Variants in DACH2 observed in about 807,000 individuals in gnomAD.
DACH2 encodes dachshund homolog 2.
A neutral mutation model predicts 35.8 loss-of-function variants in DACH2; 17 were observed. That is an observed-to-expected ratio of 0.48 (90% CI 0.33 to 0.71). DACH2 has a LOEUF of 0.71. DACH2 is among the 30% of genes least tolerant of loss of function. DACH2 has a pLI of 0.02. For synonymous variants in DACH2, 195 were observed against 177.3 expected, an observed-to-expected ratio of 1.10 and a Z score of -0.79; for missense variants, 469 against 472.7, an observed-to-expected ratio of 0.99 and a Z score of 0.07.
At chrX:86,621,303 T>C (rs1036839620) in intron 3 of DACH2, among the ~76,000 whole-genome samples, 3 of 111,535 alleles carry the variant, frequency 2.7e-5, no homozygotes, top group Admixed American at 1.9e-4. Context: ...ATTAGGATCA[T>C]TGAAGAAATA....
At chrX:86,794,045 G>C (rs2042212694) in intron 7 of DACH2, among the ~76,000 whole-genome samples, 1 of 111,530 alleles carries the variant, frequency 9.0e-6, no homozygotes, top group Non-Finnish European at 1.9e-5. Context: ...ATTTAAACAG[G>C]TGCTATGGGA....
At chrX:86,154,741 T>A (rs1397639953) in intron 1 of DACH2, among the ~76,000 whole-genome samples, 1 of 111,734 alleles carries the variant, frequency 8.9e-6, no homozygotes, top group African/African-American at 3.2e-5. Context: ...AGATGGATTC[T>A]CTGCTCGGTT....
At chrX:86,421,492 T>A (rs2036802371) in intron 2 of DACH2, among the ~76,000 whole-genome samples, 1 of 111,266 alleles carries the variant, frequency 9.0e-6, no homozygotes, top group Non-Finnish European at 1.9e-5. Context: ...AGAATGGGAA[T>A]GGCAAAAACA....
Position 86,323,858 on chromosome X carries a change from C to T in DACH2, c.489-52966C>T, listed in dbSNP as rs753264843. ...AGCTTCACATCTGAGTCTTCAAGAC[C>T]GGTGGCTAGCCCTCATGGCTCATTA... On this transcript the variant is annotated intron_variant, in intron 1 of 11. Coordinates refer to ENST00000373125, the MANE Select transcript of DACH2 (RefSeq NM_053281.3). Among the ~76,000 whole-genome samples, 9 of 112,247 alleles carry T rather than the reference C, an allele frequency of 8.0e-5. No individual in the cohort carries two copies. In the East Asian group the frequency reaches 8.5e-4, roughly 11 times the overall value.
chrX:86,683,659 A>G (rs926944215), intron 4 of DACH2, among the ~76,000 whole-genome samples: 1 of 111,538 alleles, frequency 9.0e-6, no homozygotes, highest in Non-Finnish European at 1.9e-5. Flanking sequence ...TTAAAAAGGT[A>G]GTCACCCTAT....
chrX:86,241,450 G>A (rs1291226271), intron 1 of DACH2, among the ~76,000 whole-genome samples: 1 of 111,801 alleles, frequency 8.9e-6, no homozygotes, highest in Non-Finnish European at 1.9e-5. Flanking sequence ...TGGCCTGGCT[G>A]CTTCTAACAG....
chrX:86,731,494 T>G (rs1208039247), intron 6 of DACH2, among the ~76,000 whole-genome samples: 1 of 111,919 alleles, frequency 8.9e-6, no homozygotes, highest in African/African-American at 3.2e-5. Flanking sequence ...ACCAGTTTAC[T>G]TTTCAATACC....
chrX:86,459,078 A>G (rs935030787), intron 2 of DACH2, among the ~76,000 whole-genome samples: 2 of 112,090 alleles, frequency 1.8e-5, no homozygotes, highest in Non-Finnish European at 3.8e-5. Context: ...ACTAAAAACA[A>G]AAGAAGTGTT....
chrX:86,585,300 C>T lies in DACH2; in HGVS notation c.641-65736C>T, dbSNP rs563452237. Among the ~76,000 whole-genome samples, 4 of 110,934 alleles carry T rather than the reference C, an allele frequency of 3.6e-5. 1 individual carries two copies. In the East Asian group the frequency reaches 1.1e-3, roughly 32 times the overall value. The stretch of plus-strand genomic sequence containing the variant: ...TTGTAATGTTTCCTTTTTCCATAGC[C>T]TTTCCAGTATCTGTTATTTTTTGTG... On this transcript the variant is annotated intron_variant, in intron 3 of 11. Transcript: ENST00000373125.
chrX:86,583,913 T>G (rs991310335), intron 3 of DACH2, among the ~76,000 whole-genome samples: 2 of 110,296 alleles, frequency 1.8e-5, no homozygotes, highest in Non-Finnish European at 3.8e-5. Flanking sequence ...TTTTCTGGTT[T>G]GGTTATGAGA....
intron 1 of DACH2, among the ~76,000 whole-genome samples, chrX:86,161,530 C>T (rs1259840003): frequency 6.2e-5 from 7 of 112,291 alleles, no homozygotes; most frequent in African/African-American, 1.9e-4. Flanking sequence ...GATTAGAATG[C>T]ATTGATGAGT....
At chrX:86,225,125 G>A (rs2032794893) in intron 1 of DACH2, among the ~76,000 whole-genome samples, 1 of 107,944 alleles carries the variant, frequency 9.3e-6, no homozygotes, top group Non-Finnish European at 2.0e-5. Flanking sequence ...GAGCTAGTTT[G>A]TATATCTAAA....
chrX:86,396,705 G>A (rs2036301437), intron 2 of DACH2, among the ~76,000 whole-genome samples: 1 of 111,094 alleles, frequency 9.0e-6, no homozygotes, highest in South Asian at 3.8e-4. Context: ...TTGCAGATAT[G>A]TGGCATTATT....
At chrX:86,348,811 CCT>C (rs1341664777) in intron 1 of DACH2, among the ~76,000 whole-genome samples, 2 of 112,296 alleles carry the variant, frequency 1.8e-5, no homozygotes, top group Non-Finnish European at 3.8e-5. Flanking sequence ...CCCTTGTTCC[CCT>C]CTCAGGGCTT....
intron 1 of DACH2, among the ~76,000 whole-genome samples, chrX:86,164,249 G>T (rs2030865568): frequency 1.8e-5 from 2 of 111,271 alleles, no homozygotes; most frequent in African/African-American, 6.5e-5. Flanking sequence ...AAAAGTGTCT[G>T]TTCAGGTCCT....
At chrX:86,407,662 G>A (rs1361522644) in intron 2 of DACH2, among the ~76,000 whole-genome samples, 1 of 112,254 alleles carries the variant, frequency 8.9e-6, no homozygotes, top group East Asian at 2.8e-4. Context: ...GATGAGTTTT[G>A]ATAAGTCAGT....
intron 3 of DACH2, among the ~76,000 whole-genome samples, chrX:86,605,635 T>G (rs187110157): frequency 9.0e-6 from 1 of 111,554 alleles, no homozygotes; most frequent in East Asian, 2.8e-4. Context: ...TAAAAAATTT[T>G]TTCAGCCCTT....
chrX:86,746,785 T>C (rs192749632), intron 7 of DACH2, among the ~76,000 whole-genome samples: 12 of 111,288 alleles, frequency 1.1e-4, no homozygotes, highest in African/African-American at 2.6e-4. Flanking sequence ...TAAAGATCAA[T>C]TTATCTATTT....
intron 2 of DACH2, among the ~76,000 whole-genome samples, chrX:86,442,116 C>T (rs2037173453): frequency 9.1e-6 from 1 of 110,174 alleles, no homozygotes. Context: ...GATCCTTCTG[C>T]TTCAGCTTCC....
Sources: gnomAD v4.1 joint callset for allele counts (sites outside exome capture counted in the v4.1 genomes callset) on GRCh38, gnomAD v4.1.1 for gene constraint, MANE v1.5 for transcripts, NCBI Gene and HGNC (gene_info 2026-07-23, HGNC 2026-07-21) for gene names.